ELMO1: variants seen among roughly 807,000 people sequenced by gnomAD.
ELMO1 encodes engulfment and cell motility 1, also known as engulfment and cell motility protein 1.
Under a neutral mutation model 98.9 loss-of-function variants are expected in ELMO1, and 26 were observed. The observed-to-expected ratio is 0.26, with a 90% CI of 0.19 to 0.36. ELMO1 has a LOEUF of 0.36. ELMO1 is among the 10% of genes least tolerant of loss of function. ELMO1 has a pLI of 1.00. For missense variants in ELMO1, 627 were observed against 935.2 expected, an observed-to-expected ratio of 0.67 and a Z score of 4.30; for synonymous variants, 346 against 346.0, an observed-to-expected ratio of 1.00 and a Z score of 0.00.
intron 15 of ELMO1, among the ~76,000 whole-genome samples, chr7:37,023,797 T>C (rs916141673): frequency 1.3e-5 from 2 of 152,134 alleles, no homozygotes; most frequent in Non-Finnish European, 2.9e-5. Flanking sequence ...TTGGCCAGGC[T>C]GGTCTTGAAC....
At chr7:37,068,237 G>A (rs1391019910) in intron 15 of ELMO1, among the ~76,000 whole-genome samples, 2 of 152,118 alleles carry the variant, frequency 1.3e-5, no homozygotes, top group Non-Finnish European at 2.9e-5. Context: ...AGCTGTCCGG[G>A]TGAAACTCTA....
At chr7:37,162,838 GTTC>G (rs1789322550) in intron 13 of ELMO1, among the ~76,000 whole-genome samples, 2 of 152,102 alleles carry the variant, frequency 1.3e-5, no homozygotes, top group Admixed American at 1.3e-4. Flanking sequence ...AACACATAGG[GTTC>G]TTTTTTCCAC....
chr7:36,971,493 C>T (rs540809544), intron 16 of ELMO1, among the ~76,000 whole-genome samples: 1 of 152,282 alleles, frequency 6.6e-6, no homozygotes, highest in South Asian at 2.1e-4. Flanking sequence ...AAGTAGCTGA[C>T]TTAATTCGTT....
In ELMO1 at chr7:37,272,489, G is replaced by A. The variant is rs182501650; in HGVS notation, c.193-607C>T. 4.5e-3 allele frequency among the ~76,000 whole-genome samples: 687 copies of A among 152,244 alleles called. 25 individuals carry two copies. Among genetic ancestry groups the A allele is most frequent in the Admixed American group, 0.042 (635 of 15,296 alleles). ...TTGAGACCAGCTTGGCCAGTATGGC[G>A]AAACCCCGTCTCTAATAAAAATACA... On this transcript the variant is annotated intron_variant, in intron 4 of 21. Coordinates refer to ENST00000310758, the MANE Select transcript of ELMO1 (RefSeq NM_014800.11).
chr7:37,441,718 A>G (rs1404968695), intron 1 of ELMO1, among the ~76,000 whole-genome samples: 1 of 152,248 alleles, frequency 6.6e-6, no homozygotes, highest in South Asian at 2.1e-4. Context: ...TAAGAAACTG[A>G]GACAAAAACT....
At chr7:37,170,806 C>T (rs1180627611) in intron 13 of ELMO1, among the ~76,000 whole-genome samples, 1 of 152,014 alleles carries the variant, frequency 6.6e-6, no homozygotes, top group Non-Finnish European at 1.5e-5. Context: ...GGGGTTTCAA[C>T]ATGTTGGACA....
At chr7:37,050,609 AACACACACACACACACACACACACACAC>A (rs60918785) in intron 15 of ELMO1, among the ~76,000 whole-genome samples, 3 of 129,534 alleles carry the variant, frequency 2.3e-5, no homozygotes, top group Non-Finnish European at 4.9e-5. Flanking sequence ...AGGTGCTCTG[AACACACACACACACACACACACACACAC>A]ACACACACAC....
rs1279949108 is a variant in ELMO1 at position 36,870,074 on chromosome 7, C to T, written c.1905+319G>A. On this transcript the variant is annotated intron_variant, in intron 20 of 21. Transcript: ENST00000310758. The surrounding 1 kb of genome is among the most constrained non-coding windows in gnomAD (Gnocchi z 4.4). ...CATAAATGGGGGAGGTTAGGAGAGG[C>T]CCAGGGAATGGACGGATGAGCAGAG... Among the ~76,000 whole-genome samples the T allele has an allele frequency of 2.0e-5, 3 of 151,986 alleles. No individual in the cohort carries two copies. The highest frequency in any genetic ancestry group is 2.9e-5 in the Non-Finnish European group (2 of 68,000).
intron 16 of ELMO1, among the ~76,000 whole-genome samples, chr7:36,974,908 C>G (rs116991746): frequency 0.015 from 2,249 of 152,080 alleles, 23 homozygotes; most frequent in Admixed American, 0.025. Flanking sequence ...CTGTAACACT[C>G]ACTGCGAACG....
intron 16 of ELMO1, among the ~76,000 whole-genome samples, chr7:36,922,983 T>C (rs1022363372): frequency 6.6e-6 from 1 of 152,156 alleles, no homozygotes; most frequent in Non-Finnish European, 1.5e-5. Context: ...TCTCTAGGGA[T>C]CTCACTGTCA....
rs149106404 is a variant in ELMO1, at chr7:37,051,713, G to T, written c.1301-38278C>A. On this transcript the variant is annotated intron_variant, in intron 15 of 21. Transcript: ENST00000310758. ...TACTTTAAATGAATCCTTTCCTCAA[G>T]GAATTTTGCTATTAAAATCTGGCTA... 4.7e-4 allele frequency among the ~76,000 whole-genome samples: 71 copies of T among 152,146 alleles called. 1 individual carries two copies. The highest frequency in any genetic ancestry group is 1.4e-3 in the African/African-American group (59 of 41,500).
chr7:37,426,636 G>A (rs905094990), intron 1 of ELMO1, among the ~76,000 whole-genome samples: 8 of 151,926 alleles, frequency 5.3e-5, no homozygotes, highest in Admixed American at 3.9e-4. Flanking sequence ...CAGTCTCAAG[G>A]TCACCAACAG....
chr7:37,139,600 A>G (rs1010170568), intron 13 of ELMO1, among the ~76,000 whole-genome samples: 4 of 152,102 alleles, frequency 2.6e-5, no homozygotes, highest in African/African-American at 7.2e-5. Context: ...TCCCATGCTC[A>G]TGGATGGGTA....
intron 14 of ELMO1, among the ~76,000 whole-genome samples, chr7:37,112,809 T>C (rs1785327282): frequency 1.3e-5 from 2 of 152,208 alleles, no homozygotes; most frequent in Non-Finnish European, 2.9e-5. Flanking sequence ...CAACCACTAC[T>C]GGGTGCACCA....
chr7:37,426,920 T>A (rs1391355343), intron 1 of ELMO1, among the ~76,000 whole-genome samples: 1 of 151,842 alleles, frequency 6.6e-6, no homozygotes, highest in East Asian at 1.9e-4. Flanking sequence ...AAAGCCAGCA[T>A]TATACCTAAC....
At chr7:36,963,112 T>C (rs1789103524) in intron 16 of ELMO1, among the ~76,000 whole-genome samples, 1 of 152,082 alleles carries the variant, frequency 6.6e-6, no homozygotes, top group Non-Finnish European at 1.5e-5. Context: ...GAGCTGGGCG[T>C]GGTGGCTCAC....
intron 13 of ELMO1, among the ~76,000 whole-genome samples, chr7:37,167,729 C>T (rs965286185): frequency 6.6e-5 from 10 of 152,280 alleles, no homozygotes; most frequent in African/African-American, 2.2e-4. Flanking sequence ...GATGGGCTTC[C>T]CTTTGTGGGT....
intron 13 of ELMO1, among the ~76,000 whole-genome samples, chr7:37,142,236 T>C (rs1787688959): frequency 6.6e-6 from 1 of 152,252 alleles, no homozygotes; most frequent in Non-Finnish European, 1.5e-5. Flanking sequence ...TATTTTGTAA[T>C]GTTTTTAGTT....
At chr7:37,241,829 T>C (rs1794779725) in intron 7 of ELMO1, among the ~76,000 whole-genome samples, 1 of 152,182 alleles carries the variant, frequency 6.6e-6, no homozygotes. Flanking sequence ...ACATATGTCA[T>C]AAACCCTACC....
Sources: allele counts gnomAD v4.1 joint callset (sites outside exome capture counted in the v4.1 genomes callset), GRCh38; gene constraint gnomAD v4.1.1; non-coding constraint Gnocchi (gnomAD v3.1); transcripts MANE v1.5; gene names NCBI Gene and HGNC (gene_info 2026-07-23, HGNC 2026-07-21).